Variants in LTBP1 observed in about 807,000 individuals in gnomAD.
LTBP1 encodes latent-transforming growth factor beta-binding protein 1.
Under a neutral mutation model 207.6 loss-of-function variants are expected in LTBP1, and 129 were observed. That is an observed-to-expected ratio of 0.62 (90% CI 0.54 to 0.72). The LOEUF (loss-of-function observed/expected upper bound fraction) is 0.72. Among genes scored for constraint, LTBP1 ranks in the 30% least tolerant of loss-of-function variants. The probability of loss-of-function intolerance (pLI) is 0.00; values close to 1 mark genes in which losing one functional copy is unlikely to be tolerated. For synonymous variants in LTBP1, 963 were observed against 833.7 expected (o/e 1.16, Z -2.67); for missense variants, 2,281 against 2,217.2 (o/e 1.03, Z -0.58).
intron 26 of LTBP1, among the ~76,000 whole-genome samples, chr2:33,354,552 A>G (rs1386705526): frequency 6.6e-6 from 1 of 152,136 alleles, no homozygotes; most frequent in Non-Finnish European, 1.5e-5. Flanking sequence ...TTTTTGGTAT[A>G]AAAGCCAAAC....
intron 4 of LTBP1, among the ~76,000 whole-genome samples, chr2:33,119,997 C>T (rs1319374881): frequency 1.3e-5 from 2 of 152,178 alleles, no homozygotes; most frequent in Non-Finnish European, 2.9e-5. Flanking sequence ...AATTTCTTTT[C>T]ATTCCCATAC....
At chr2:33,250,098 T>C (rs779793430) in intron 10 of LTBP1, among the ~76,000 whole-genome samples, 1 of 152,124 alleles carries the variant, frequency 6.6e-6, no homozygotes, top group Non-Finnish European at 1.5e-5. Flanking sequence ...TGTTTCTGGG[T>C]TTACGCATCA....
In LTBP1 at chr2:33,223,476, G is replaced by A. The variant is rs183565655; in HGVS notation, c.1876+1325G>A. Among the ~76,000 whole-genome samples, 5 of 152,282 alleles carry A rather than the reference G, an allele frequency of 3.3e-5. No individual in the cohort carries two copies. The South Asian group carries it at 8.3e-4, about 25-fold the overall frequency. The stretch of plus-strand genomic sequence containing the variant: ...TTTTGAGAAACATCTGCTAAACTTA[G>A]TAACATGGGAATAGTGGATTAATCT... On this transcript the variant is annotated intron_variant, in intron 9 of 33. Transcript: ENST00000404816.
chr2:33,295,430 G>A (rs1414825790), intron 20 of LTBP1, among the ~76,000 whole-genome samples: 1 of 152,048 alleles, frequency 6.6e-6, no homozygotes, highest in African/African-American at 2.4e-5. Flanking sequence ...AGGAGGCTGA[G>A]ACACAAGAAT....
rs1483381509 is a variant in LTBP1 at position 33,021,012 on chromosome 2, C to T, written c.669C>T (p.Ala223=). ...GCAAAGCCTGTGAAACAATAGCTGC[C>T]CAGGACACCTCGTCACCAGTCTTTG... ...TKGKACETIA[A]QDTSSPVFGG... is the part of the protein sequence containing the mutation. The change falls in exon 3 of 34, where the codon GCC becomes GCT. Residue 223 remains alanine (A), a synonymous_variant. Coordinates refer to ENST00000404816, the MANE Select transcript of LTBP1 (RefSeq NM_206943.4). The T allele has an allele frequency of 6.8e-6, 11 of 1,613,976 alleles. No homozygotes were observed. The African/African-American group carries it at 8.0e-5, about 12-fold the overall frequency.
rs1434104340 is a variant in LTBP1 at position 33,134,325 on chromosome 2, A to C, written c.1034-468A>C. On this transcript the variant is annotated intron_variant, in intron 4 of 33. Transcript: ENST00000404816. The surrounding 1 kb of genome is among the most constrained non-coding windows in gnomAD (Gnocchi z 4.4). ...AACATTTCCAGGGGTCGGGCTGCAA[A>C]TAGTGACTTAATAAGTGGAGAAACA... The C allele has an allele frequency of 4.7e-6, 2 of 427,970 alleles. No individual in the cohort carries two copies. The highest frequency in any genetic ancestry group is 7.1e-5 in the East Asian group (1 of 14,118). The allele number at this position is 427,970 out of a possible 1,614,324, so 26.5% of individuals were successfully genotyped here. A position where few individuals can be genotyped will look rare whatever the true frequency, so the allele number is the denominator to read the frequency against.
chr2:33,066,475 G>A (rs1452118881), intron 3 of LTBP1, among the ~76,000 whole-genome samples: 1 of 152,088 alleles, frequency 6.6e-6, no homozygotes, highest in African/African-American at 2.4e-5. Flanking sequence ...TTTTATCAGT[G>A]TAAATCCTTG....
intron 4 of LTBP1, among the ~76,000 whole-genome samples, chr2:33,114,146 A>G (rs2080588214): frequency 6.6e-6 from 1 of 152,184 alleles, no homozygotes; most frequent in Non-Finnish European, 1.5e-5. Flanking sequence ...CCAGCCGGTA[A>G]AGGATATCTC....
At chr2:33,117,795 A>G (rs1217426854) in intron 4 of LTBP1, among the ~76,000 whole-genome samples, 1 of 152,202 alleles carries the variant, frequency 6.6e-6, no homozygotes, top group Non-Finnish European at 1.5e-5. Context: ...AGGCAGATAT[A>G]GTAAGTGTAG....
intron 3 of LTBP1, among the ~76,000 whole-genome samples, chr2:33,100,713 C>A (rs2079681840): frequency 6.6e-6 from 1 of 152,086 alleles, no homozygotes; most frequent in African/African-American, 2.4e-5. Flanking sequence ...TCCCCCAACC[C>A]CTGGTGATAA....
intron 7 of LTBP1, among the ~76,000 whole-genome samples, chr2:33,211,513 G>T (rs572129711): frequency 7.9e-5 from 12 of 152,256 alleles, no homozygotes; most frequent in African/African-American, 2.9e-4. Context: ...CAGAGAGGTT[G>T]GATGATTTGC....
intron 19 of LTBP1, among the ~76,000 whole-genome samples, chr2:33,282,353 A>C (rs2093575986): frequency 6.6e-6 from 1 of 152,158 alleles, no homozygotes; most frequent in African/African-American, 2.4e-5. Flanking sequence ...CCCAAGATTT[A>C]ATTGCAGTTC....
At chr2:33,170,426 C>T (rs887129888) in intron 5 of LTBP1, among the ~76,000 whole-genome samples, 1 of 152,168 alleles carries the variant, frequency 6.6e-6, no homozygotes, top group East Asian at 1.9e-4. Flanking sequence ...TGAGATCAAA[C>T]TGCAAGGCCG....
chr2:33,188,573 G>T lies in LTBP1; in HGVS notation c.1427-4G>T, dbSNP rs6712473. ...TAACAAGTTTTCCTCCCAATCTGTT[G>T]TAGTGAAATTTCCTCCTAACATAGT... On this transcript the variant is annotated splice_polypyrimidine_tract_variant and splice_region_variant and intron_variant, in intron 6 of 33. Coordinates refer to ENST00000404816, the MANE Select transcript of LTBP1 (RefSeq NM_206943.4). 0.51 allele frequency: 823,949 copies of T among 1,604,316 alleles called. 213,839 individuals are homozygous for T. Among genetic ancestry groups the T allele is most frequent in the African/African-American group, 0.54 (40,057 of 74,592 alleles).
chr2:33,178,266 G>C (rs779110398), intron 5 of LTBP1, among the ~76,000 whole-genome samples: 1 of 152,230 alleles, frequency 6.6e-6, no homozygotes, highest in Non-Finnish European at 1.5e-5. Flanking sequence ...GACAGCATCT[G>C]TGATGAAGAA....
At chr2:33,353,859 C>CATTTTTTTTTTTTTTT (rs777108878) in intron 26 of LTBP1, among the ~76,000 whole-genome samples, 1 of 113,114 alleles carries the variant, frequency 8.8e-6, no homozygotes, top group African/African-American at 3.1e-5. Context: ...TGCATGTACG[C>CATTTTTTTTTTTTTTT]CTTTTTTTTT....
At chr2:32,990,370 G>A (rs916356681) in intron 2 of LTBP1, among the ~76,000 whole-genome samples, 1 of 152,186 alleles carries the variant, frequency 6.6e-6, no homozygotes, top group East Asian at 1.9e-4. Flanking sequence ...TTACATGGAA[G>A]CAAAGCGTAG....
chr2:33,157,180 C>T (rs1379063970), intron 5 of LTBP1, among the ~76,000 whole-genome samples: 1 of 152,130 alleles, frequency 6.6e-6, no homozygotes, highest in Admixed American at 6.6e-5. Context: ...GTAAGTCAAA[C>T]ATCAAAGGTG....
At chr2:33,103,269 T>A (rs2079845258) in intron 3 of LTBP1, among the ~76,000 whole-genome samples, 1 of 151,862 alleles carries the variant, frequency 6.6e-6, no homozygotes, top group African/African-American at 2.4e-5. Context: ...TTGTATACAG[T>A]CTGTATGCTG....
Sources: gnomAD v4.1 joint callset for allele counts (sites outside exome capture counted in the v4.1 genomes callset) on GRCh38, gnomAD v4.1.1 for gene constraint, Gnocchi (gnomAD v3.1) non-coding constraint, MANE v1.5 for transcripts, NCBI Gene and HGNC (gene_info 2026-07-23, HGNC 2026-07-21) for gene names.